Variants in ADAM2 observed in about 807,000 individuals in gnomAD.
ADAM2 encodes the protein ADAM metallopeptidase domain 2, also known as disintegrin and metalloproteinase domain-containing protein 2.
Under a neutral mutation model 99.3 loss-of-function variants are expected in ADAM2, and 101 were observed. The ratio of observed to expected loss-of-function variants is 1.02; its 90% confidence interval spans 0.87 to 1.20. The LOEUF (loss-of-function observed/expected upper bound fraction) is 1.20, where lower values mean the gene tolerates loss of function less well. Ranked by LOEUF, ADAM2 falls within the 50% of genes most tolerant of loss-of-function variation. The pLI, the probability that ADAM2 is intolerant of heterozygous loss-of-function variation, is 0.00. For synonymous variants in ADAM2, 323 were observed against 287.6 expected, an observed-to-expected ratio of 1.12 and a Z score of -1.25; for missense variants, 948 against 878.7, an observed-to-expected ratio of 1.08 and a Z score of -1.00.
chr8:39,761,176 T>C lies in ADAM2; in HGVS notation c.1613A>G (p.Asp538Gly), dbSNP rs774237119. 3.9e-6 allele frequency: 6 copies of C among 1,534,070 alleles called. No individual in the cohort carries two copies. In the Admixed American group the frequency reaches 7.9e-5, roughly 20 times the overall value. Residue 538 changes from aspartate to glycine, a missense_variant and splice_region_variant, in exon 15 of 21, where the codon GAC (aspartate) becomes GGC (glycine). Asp to Gly is a moderately conservative substitution (Grantham distance 94, BLOSUM62 -1). Transcript: ENST00000265708. Reference protein sequence around the residue: ...SDSGYTQCEADNLQCGKLICK... With the variant: ...SDSGYTQCEAGNLQCGKLICK... ...CTAAGACAGATTTCTGAAAACATAC[T>C]CAGCTTCACACTGTGTGTATCCTGA...
intron 16 of ADAM2, among the ~76,000 whole-genome samples, chr8:39,755,026 T>C (rs1802091786): frequency 6.6e-6 from 1 of 152,174 alleles, no homozygotes; most frequent in South Asian, 2.1e-4. Context: ...CTGGATTGAT[T>C]TTTTTCTTTA....
intron 19 of ADAM2, among the ~76,000 whole-genome samples, chr8:39,745,985 G>GTA (rs1186043279): frequency 6.7e-6 from 1 of 148,484 alleles, no homozygotes; most frequent in Non-Finnish European, 1.5e-5. Context: ...ATATGCATGT[G>GTA]TATGTGTGTG....
chr8:39,762,175 A>G (rs1802397110), intron 14 of ADAM2, among the ~76,000 whole-genome samples: 1 of 152,246 alleles, frequency 6.6e-6, no homozygotes, highest in African/African-American at 2.4e-5. Context: ...TCGGTCAAAA[A>G]TCTTTGACAG....
At position 39,747,476 on chromosome 8, in the gene ADAM2, C is replaced by T. The variant is rs376166154; in HGVS notation, c.2015-845G>A. Among the ~76,000 whole-genome samples the T allele has an allele frequency of 6.6e-5, 10 of 151,988 alleles. No individual in the cohort carries two copies. The East Asian group carries it at 1.5e-3, about 23-fold the overall frequency. On this transcript the variant is annotated intron_variant, in intron 18 of 20. Coordinates refer to ENST00000265708, the MANE Select transcript of ADAM2 (RefSeq NM_001464.5). ...CATTTACATAAAATACTTAGAAGGC[C>T]TTTTGTATAGAAGAAAGAGTCTCTA...
intron 11 of ADAM2, among the ~76,000 whole-genome samples, chr8:39,775,927 G>T (rs547646750): frequency 1.3e-5 from 2 of 152,076 alleles, no homozygotes; most frequent in Admixed American, 6.6e-5. Context: ...TTTCCTAGAT[G>T]CATGCTCAAG....
At chr8:39,751,887 C>A (rs1043930403) in intron 16 of ADAM2, among the ~76,000 whole-genome samples, 3 of 151,884 alleles carry the variant, frequency 2.0e-5, no homozygotes, top group Non-Finnish European at 4.4e-5. Context: ...GGCTGGAGTG[C>A]AGTGGCTTGG....
chr8:39,836,053 C>T (rs1303588181), intron 2 of ADAM2, among the ~76,000 whole-genome samples: 1 of 151,970 alleles, frequency 6.6e-6, no homozygotes, highest in Non-Finnish European at 1.5e-5. Flanking sequence ...CCAAGTTTCT[C>T]ATTTACAAAT....
intron 6 of ADAM2, chr8:39,817,865 A>G (rs1805019028): frequency 6.6e-6 from 1 of 151,960 alleles, no homozygotes; most frequent in Non-Finnish European, 1.5e-5. Context: ...ATAAAATAGA[A>G]AAACCTCTAT....
intron 10 of ADAM2, among the ~76,000 whole-genome samples, chr8:39,780,167 G>A (rs1406959350): frequency 6.6e-6 from 1 of 152,002 alleles, no homozygotes; most frequent in Admixed American, 6.6e-5. Flanking sequence ...ACGCGTGCAG[G>A]GGATCTCCCC....
intron 11 of ADAM2, among the ~76,000 whole-genome samples, chr8:39,773,781 T>G (rs1802877704): frequency 6.6e-6 from 1 of 151,872 alleles, no homozygotes; most frequent in African/African-American, 2.4e-5. Context: ...TATCAAACAA[T>G]TTAGAAAGAA....
At chr8:39,829,902 T>C (rs1057160529) in intron 3 of ADAM2, among the ~76,000 whole-genome samples, 26 of 152,044 alleles carry the variant, frequency 1.7e-4, no homozygotes, top group Admixed American at 1.4e-3. Flanking sequence ...TATTTAGAGT[T>C]AGAAAACAGA....
chr8:39,816,214 T>G (rs1804935111), intron 6 of ADAM2, among the ~76,000 whole-genome samples: 1 of 152,128 alleles, frequency 6.6e-6, no homozygotes. Flanking sequence ...GGAGAATCAC[T>G]TGAACCCGGG....
chr8:39,807,615 G>C (rs1013049942), intron 7 of ADAM2, among the ~76,000 whole-genome samples: 1 of 152,154 alleles, frequency 6.6e-6, no homozygotes, highest in Admixed American at 6.5e-5. Flanking sequence ...CTTATGGGAA[G>C]AGATACTAGA....
At chr8:39,757,821 C>CT (rs1193297751) in intron 15 of ADAM2, among the ~76,000 whole-genome samples, 8 of 151,942 alleles carry the variant, frequency 5.3e-5, no homozygotes, top group African/African-American at 1.9e-4. Flanking sequence ...AAGAAATATG[C>CT]TAAACACACA....
At chr8:39,804,122 T>G (rs1223004172) in intron 7 of ADAM2, among the ~76,000 whole-genome samples, 1 of 152,218 alleles carries the variant, frequency 6.6e-6, no homozygotes, top group Non-Finnish European at 1.5e-5. Context: ...ATTTCTTTTA[T>G]CAGCGAAATA....
chr8:39,767,155 G>T lies in ADAM2; in HGVS notation c.1309C>A (p.Leu437Ile). ...GAAATTTTTCAAAAAGCTCTTACTA[G>T]ACAGTTTTCGCAGCATGGTCCTTCA... ...CAEGPCCENC[L>I]FMSKERMCRP... Residue 437 changes from leucine to isoleucine, a missense_variant and splice_region_variant, in exon 13 of 21, where the codon CTA (leucine) becomes ATA (isoleucine). Leu to Ile is a conservative substitution (Grantham distance 5, BLOSUM62 2). Transcript: ENST00000265708. 6.2e-7 allele frequency: 1 copy of T among 1,605,726 alleles called. No individual in the cohort carries two copies. Among genetic ancestry groups the T allele is most frequent in the South Asian group, 1.1e-5 (1 of 89,778 alleles).
At chr8:39,772,639 A>G (rs1471814612) in intron 11 of ADAM2, among the ~76,000 whole-genome samples, 1 of 152,038 alleles carries the variant, frequency 6.6e-6, no homozygotes, top group Non-Finnish European at 1.5e-5. Context: ...ATCTAAATAC[A>G]GACTTAATCC....
At chr8:39,829,094 G>A (rs914341275) in intron 3 of ADAM2, among the ~76,000 whole-genome samples, 3 of 151,830 alleles carry the variant, frequency 2.0e-5, no homozygotes, top group Admixed American at 2.0e-4. Flanking sequence ...TAAATTGGTT[G>A]TCTACCTTAT....
intron 14 of ADAM2, among the ~76,000 whole-genome samples, chr8:39,765,565 G>A (rs1018590327): frequency 6.6e-6 from 1 of 152,070 alleles, no homozygotes; most frequent in African/African-American, 2.4e-5. Flanking sequence ...ATACACCAAC[G>A]ATTGAGGAAA....
Sources: allele counts gnomAD v4.1 joint callset (sites outside exome capture counted in the v4.1 genomes callset), GRCh38; gene constraint gnomAD v4.1.1; transcripts MANE v1.5; gene names NCBI Gene and HGNC (gene_info 2026-07-23, HGNC 2026-07-21).